Variants in DHRSX observed in about 807,000 individuals in gnomAD.
DHRSX encodes the protein polyprenol dehydrogenase.
A neutral mutation model predicts 34.0 loss-of-function variants in DHRSX; 31 were observed. The ratio of observed to expected loss-of-function variants is 0.91; its 90% CI spans 0.69 to 1.23. The LOEUF is 1.23. Ranked by LOEUF, DHRSX falls within the 50% of genes most tolerant of loss-of-function variation. DHRSX has a pLI of 0.00. For synonymous variants in DHRSX, 201 were observed against 183.8 expected (o/e 1.09, Z -0.76); for missense variants, 414 against 428.1 (o/e 0.97, Z 0.29).
At chrX:2,340,048 A>G (rs2042620654) in intron 3 of DHRSX, among the ~76,000 whole-genome samples, 1 of 152,106 alleles carries the variant, frequency 6.6e-6, no homozygotes, top group African/African-American at 2.4e-5. Context: ...CTGACTTTTA[A>G]TAAAGCTGGA....
At chrX:2,258,307 G>A (rs1337627515) in intron 5 of DHRSX, among the ~76,000 whole-genome samples, 2 of 152,070 alleles carry the variant, frequency 1.3e-5, no homozygotes, top group Non-Finnish European at 2.9e-5. Flanking sequence ...ACAGAGAGAA[G>A]ATGGCGTCTA....
chrX:2,311,421 A>C (rs1228245702), intron 3 of DHRSX, among the ~76,000 whole-genome samples: 1 of 152,168 alleles, frequency 6.6e-6, no homozygotes, highest in Admixed American at 6.5e-5. Flanking sequence ...TCGGATACAC[A>C]GCTGTCCTCA....
intron 3 of DHRSX, among the ~76,000 whole-genome samples, chrX:2,320,124 C>A (rs181621545): frequency 6.6e-6 from 1 of 151,782 alleles, no homozygotes; most frequent in Non-Finnish European, 1.5e-5. Flanking sequence ...CCACTGTGCC[C>A]GGCCGGGTCA....
At chrX:2,325,507 AG>A (rs753161560) in intron 3 of DHRSX, among the ~76,000 whole-genome samples, 11 of 152,230 alleles carry the variant, frequency 7.2e-5, no homozygotes, top group Non-Finnish European at 1.3e-4. Context: ...ATGTAAAGTA[AG>A]AAAAACAGGA....
intron 3 of DHRSX, among the ~76,000 whole-genome samples, chrX:2,405,293 C>T (rs1488109901): frequency 1.3e-5 from 2 of 150,800 alleles, no homozygotes; most frequent in East Asian, 2.0e-4. Context: ...TCAAGACCAG[C>T]CTGGCCAAGA....
intron 3 of DHRSX, among the ~76,000 whole-genome samples, chrX:2,302,320 A>C (rs2042021776): frequency 6.6e-6 from 1 of 152,140 alleles, no homozygotes; most frequent in African/African-American, 2.4e-5. Context: ...TTAGAGAAAT[A>C]CAGTTGGGTG....
At chrX:2,469,103 T>C (rs1338055253) in intron 1 of DHRSX, among the ~76,000 whole-genome samples, 3 of 150,898 alleles carry the variant, frequency 2.0e-5, no homozygotes, top group African/African-American at 4.9e-5. Context: ...ACCACTGCCA[T>C]GTACACACTG....
At chrX:2,399,989 T>C (rs2043467012) in intron 3 of DHRSX, among the ~76,000 whole-genome samples, 1 of 152,084 alleles carries the variant, frequency 6.6e-6, no homozygotes, top group African/African-American at 2.4e-5. Context: ...TGAGCTATGA[T>C]CACACCACTG....
rs1372509530 is a variant in DHRSX at position 2,332,980 on chromosome X, TGAA to T, written c.287-41380_287-41378del. ...ATCAGGGGGCTTGGTTTCATTTTGT[TGAA>T]AAAAAGTTCAACAAAGACATCCACA... On this transcript the variant is annotated intron_variant, in intron 3 of 6. Coordinates refer to ENST00000334651, the MANE Select transcript of DHRSX (RefSeq NM_145177.3). Among the ~76,000 whole-genome samples the T allele has an allele frequency of 5.9e-5, 9 of 151,904 alleles. No homozygotes were observed. In the South Asian group the frequency reaches 1.9e-3, roughly 32 times the overall value.
intron 3 of DHRSX, among the ~76,000 whole-genome samples, chrX:2,348,599 A>G (rs1602985993): frequency 6.6e-6 from 1 of 152,326 alleles, no homozygotes; most frequent in East Asian, 1.9e-4. Context: ...TGAAACTGGA[A>G]AGTCAGAATG....
At chrX:2,243,428 T>C (rs1412436374) in intron 5 of DHRSX, among the ~76,000 whole-genome samples, 198 bp from the exon 6 acceptor site, 1 of 152,184 alleles carries the variant, frequency 6.6e-6, no homozygotes, top group East Asian at 1.9e-4. Flanking sequence ...TATTATAAAC[T>C]CATCCCTTAA....
intron 3 of DHRSX, among the ~76,000 whole-genome samples, chrX:2,358,202 A>G (rs1275823257): frequency 1.3e-5 from 2 of 152,224 alleles, no homozygotes; most frequent in African/African-American, 4.8e-5. Flanking sequence ...GAAACTATCA[A>G]CAGCGTGAAC....
chrX:2,249,581 T>C (rs2016387749), intron 5 of DHRSX, among the ~76,000 whole-genome samples: 1 of 126,956 alleles, frequency 7.9e-6, no homozygotes, highest in South Asian at 2.8e-4. Context: ...TGGAGTGCGG[T>C]GGCGCAATCT....
chrX:2,431,688 T>TA (rs1319067021), intron 1 of DHRSX, among the ~76,000 whole-genome samples: 1 of 152,176 alleles, frequency 6.6e-6, no homozygotes, highest in African/African-American at 2.4e-5. Flanking sequence ...TCTCACTTCT[T>TA]ACTGGGAGGT....
chrX:2,490,957 CG>C, intron 1 of DHRSX, among the ~76,000 whole-genome samples: 1 of 152,122 alleles, frequency 6.6e-6, no homozygotes, highest in Non-Finnish European at 1.5e-5. Flanking sequence ...CGCAGGAATA[CG>C]CTCTTTCTTC....
intron 5 of DHRSX, among the ~76,000 whole-genome samples, chrX:2,252,801 A>C (rs964286269): frequency 1.4e-4 from 22 of 152,266 alleles, no homozygotes; most frequent in African/African-American, 4.8e-4. Context: ...AGAAATATCC[A>C]CCCCAGAAAT....
chrX:2,329,760 G>A (rs1420588300), intron 3 of DHRSX, among the ~76,000 whole-genome samples: 1 of 152,060 alleles, frequency 6.6e-6, no homozygotes, highest in East Asian at 1.9e-4. Context: ...CCGCAGGAAA[G>A]CTTCACTTTA....
chrX:2,400,683 A>T (rs190670796), intron 3 of DHRSX, among the ~76,000 whole-genome samples: 3 of 152,272 alleles, frequency 2.0e-5, no homozygotes, highest in African/African-American at 7.2e-5. Context: ...TCCCAAAACA[A>T]CAACCCTCAT....
intron 1 of DHRSX, among the ~76,000 whole-genome samples, chrX:2,472,708 GC>G (rs2044611839): frequency 6.6e-6 from 1 of 152,140 alleles, no homozygotes; most frequent in Admixed American, 6.5e-5. Flanking sequence ...GACGGAGGTT[GC>G]AGTGAACCCA....
Sources: gnomAD v4.1 joint callset for allele counts (sites outside exome capture counted in the v4.1 genomes callset) on GRCh38, gnomAD v4.1.1 for gene constraint, MANE v1.5 for transcripts, NCBI Gene and HGNC (gene_info 2026-07-23, HGNC 2026-07-21) for gene names.